The following ESCO2 variants were observed in gnomAD, a reference collection of about 807,000 sequenced individuals.
ESCO2 encodes N-acetyltransferase ESCO2.
A neutral mutation model predicts 61.7 loss-of-function variants in ESCO2; 51 were observed. The observed-to-expected ratio is 0.83, with a 90% CI of 0.66 to 1.04. The LOEUF (loss-of-function observed/expected upper bound fraction) is 1.04. ESCO2 is among the 50% of genes least tolerant of loss of function. The pLI, the probability that ESCO2 is intolerant of heterozygous loss-of-function variation, is 0.00. For synonymous variants in ESCO2, 230 were observed against 238.2 expected (o/e 0.97, Z 0.32); for missense variants, 692 against 686.2 (o/e 1.01, Z -0.09).
rs1204018662 is a variant in ESCO2, at chr8:27,776,347, T to C, written c.54-15T>C. The C allele has an allele frequency of 2.5e-6, 4 of 1,590,768 alleles. No homozygotes were observed. The highest frequency in any genetic ancestry group is 2.7e-5 in the African/African-American group (2 of 74,612). On this transcript the variant is annotated splice_polypyrimidine_tract_variant and intron_variant, in intron 2 of 10. Transcript: ENST00000305188. The stretch of plus-strand genomic sequence containing the variant: ...GCAAAATAATCTTATCAATGGACTT[T>C]GTTTCTTTTTATAGCCTTTTACACT...
At chr8:27,819,488 A>G in the ESCO2 span, among the ~76,000 whole-genome samples, 1 of 152,088 alleles carries the variant, frequency 6.6e-6, no homozygotes, top group Non-Finnish European at 1.5e-5. Context: ...AGTGTTTTAA[A>G]TTCCTAAAAA....
chr8:27,793,763 G>A (rs746719127), intron 9 of ESCO2, among the ~76,000 whole-genome samples: 1 of 152,116 alleles, frequency 6.6e-6, no homozygotes, highest in Non-Finnish European at 1.5e-5. Context: ...GGGATTACAG[G>A]CATGAGCCAC....
chr8:27,783,484 A>AT (rs969310011), intron 4 of ESCO2, among the ~76,000 whole-genome samples: 2 of 152,128 alleles, frequency 1.3e-5, no homozygotes, highest in African/African-American at 4.8e-5. Context: ...GTCCAAATTA[A>AT]TTTTTTATAA....
chr8:27,809,425 A>G (rs1402094802), downstream of ESCO2, among the ~76,000 whole-genome samples: 1 of 152,136 alleles, frequency 6.6e-6, no homozygotes, highest in Non-Finnish European at 1.5e-5. Context: ...TCTACACCCA[A>G]ATGTAGGTAT....
At chr8:27,789,781 CAAAA>C (rs905844657) in intron 7 of ESCO2, among the ~76,000 whole-genome samples, 17 of 56,552 alleles carry the variant, frequency 3.0e-4, no homozygotes, top group Non-Finnish European at 5.9e-4. Context: ...AACTCCATCT[CAAAA>C]AAAAAAAAAA....
At chr8:27,784,833 C>T (rs74694407) in intron 5 of ESCO2, among the ~76,000 whole-genome samples, 16,182 of 152,180 alleles carry the variant, frequency 0.11, 966 homozygotes, top group East Asian at 0.25. Context: ...AGGAACTTCC[C>T]GGCTACATTT....
intron 4 of ESCO2, among the ~76,000 whole-genome samples, chr8:27,781,104 GT>G (rs1444636744): frequency 6.6e-6 from 1 of 151,982 alleles, no homozygotes; most frequent in Non-Finnish European, 1.5e-5. Flanking sequence ...AATACAAATG[GT>G]ATAAGGATAT....
intron 10 of ESCO2, 98 bp downstream of exon 10, chr8:27,799,814 C>T: frequency 7.2e-7 from 1 of 1,387,880 alleles, no homozygotes; most frequent in Non-Finnish European, 1.0e-6. Flanking sequence ...TGGTAAGATA[C>T]TTCAGTATAA....
At chr8:27,786,338 A>T (rs931547001) in intron 5 of ESCO2, among the ~76,000 whole-genome samples, 6 of 152,162 alleles carry the variant, frequency 3.9e-5, no homozygotes, top group African/African-American at 1.4e-4. Context: ...AGGGAGGAGG[A>T]GGTAAAGGTC....
Position 27,787,990 on chromosome 8 carries a change from C to A in ESCO2, c.1119C>A (p.Asp373Glu), listed in dbSNP as rs1207324551. The change falls in exon 6 of 11, where the codon GAC (aspartate) becomes GAA (glutamate). Residue 373 changes from aspartate (D) to glutamate (E), a missense_variant. Asp to Glu is a conservative substitution (Grantham distance 45). Coordinates refer to ENST00000305188, the MANE Select transcript of ESCO2 (RefSeq NM_001017420.3). ...GAGATACAAGTAAAAAAACAAAAGA[C>A]CAGCTCATCATCGTGAGTAAATTCC... The part of the protein sequence containing the change: ...NTRDTSKKTK[D>E]QLIIDAGQKH... The A allele has an allele frequency of 6.2e-7, 1 of 1,610,188 alleles. No homozygotes were observed. The highest frequency in any genetic ancestry group is 1.1e-5 in the South Asian group (1 of 91,014).
At chr8:27,817,255 T>C (rs1805835593), downstream of ESCO2, among the ~76,000 whole-genome samples, 1 of 152,070 alleles carries the variant, frequency 6.6e-6, no homozygotes, top group South Asian at 2.1e-4. Flanking sequence ...AATACTCTCA[T>C]ATGTAACCTT....
intron 10 of ESCO2, 116 bp downstream of exon 10, chr8:27,799,832 T>A: frequency 1.6e-6 from 2 of 1,240,920 alleles, no homozygotes; most frequent in South Asian, 1.2e-5. Flanking sequence ...TAAATACTAT[T>A]AAAGTCAGGC....
chr8:27,818,108 T>TG, the ESCO2 span, among the ~76,000 whole-genome samples: 1 of 152,196 alleles, frequency 6.6e-6, no homozygotes, highest in Non-Finnish European at 1.5e-5. Flanking sequence ...GTTCCATCAG[T>TG]ATAAGTCCTA....
At chr8:27,785,691 T>C (rs1805024888) in intron 5 of ESCO2, among the ~76,000 whole-genome samples, 1 of 146,032 alleles carries the variant, frequency 6.8e-6, no homozygotes, top group African/African-American at 2.6e-5. Flanking sequence ...CAGAGCAAGA[T>C]TCCATCTCAA....
rs1451646486 is a variant in ESCO2, at chr8:27,777,446, A to G, written c.861+277A>G. 4 of 241,756 alleles carry G rather than the reference A, an allele frequency of 1.7e-5. No individual in the cohort carries two copies. In the South Asian group the frequency reaches 1.7e-4, roughly 11 times the overall value. 15.0% of individuals were successfully genotyped at this position (241,756 alleles called of 1,614,324 possible). On this transcript the variant is annotated intron_variant, in intron 3 of 10. Transcript: ENST00000305188. ...CCCAAGTAGCTGGTACTATAGATGC[A>G]CACCACCTCACCCGGCTAATTCTTG...
intron 5 of ESCO2, among the ~76,000 whole-genome samples, chr8:27,786,119 A>G (rs1415594003): frequency 2.6e-5 from 4 of 152,198 alleles, no homozygotes; most frequent in Non-Finnish European, 5.9e-5. Flanking sequence ...GTTTTTTCAT[A>G]CTGTAGGAAG....
chr8:27,780,082 T>G, intron 3 of ESCO2, 92 bp from the exon 4 acceptor site: 2 of 788,172 alleles, frequency 2.5e-6, no homozygotes, highest in Non-Finnish European at 4.4e-6. Context: ...AAACCAAATC[T>G]TTTGTTTTAG....
chr8:27,787,776 CAGAT>C lies in ESCO2; in HGVS notation c.1014-105_1014-102del, dbSNP rs999040481. The C allele has an allele frequency of 3.3e-5, 26 of 791,174 alleles. No individual in the cohort carries two copies. The Middle Eastern group carries it at 1.1e-3, about 33-fold the overall frequency. The allele number at this position is 791,174 out of a possible 1,614,324, so 49.0% of individuals were successfully genotyped here. Reference sequence around the variant, plus strand: ...CCTTATTACTTCATCAAGTTAATGTCAGATAGAAAGCACTAAAAATTGCAAGGTA... The same window carrying C: ...CCTTATTACTTCATCAAGTTAATGTCAGAAAGCACTAAAAATTGCAAGGTA... On this transcript the variant is annotated intron_variant, in intron 5 of 10. Transcript: ENST00000305188.
At chr8:27,817,492 G>A (rs182420075), downstream of ESCO2, among the ~76,000 whole-genome samples, 1 of 151,658 alleles carries the variant, frequency 6.6e-6, no homozygotes, top group Non-Finnish European at 1.5e-5. Context: ...TCTTTTATTA[G>A]GATTATTAAC....
Sources: gnomAD v4.1 joint callset for allele counts (sites outside exome capture counted in the v4.1 genomes callset) on GRCh38, gnomAD v4.1.1 for gene constraint, MANE v1.5 for transcripts, NCBI Gene and HGNC (gene_info 2026-07-23, HGNC 2026-07-21) for gene names.